FAM114A1: variants seen among roughly 807,000 people sequenced by gnomAD.
FAM114A1 encodes the protein protein NOXP20.
A neutral mutation model predicts 64.3 loss-of-function variants in FAM114A1; 62 were observed. That is an observed-to-expected ratio of 0.96 (90% CI 0.79 to 1.19). FAM114A1 has a LOEUF of 1.19. Among genes scored for constraint, FAM114A1 ranks in the 50% most tolerant of loss-of-function variants. The pLI is 0.00. For missense variants in FAM114A1, 645 were observed against 676.3 expected, an observed-to-expected ratio of 0.95 and a Z score of 0.51; for synonymous variants, 254 against 251.1, an observed-to-expected ratio of 1.01 and a Z score of -0.11.
At chr4:38,899,176 CT>C (rs781595543) in intron 4 of FAM114A1, among the ~76,000 whole-genome samples, 1 of 151,936 alleles carries the variant, frequency 6.6e-6, no homozygotes, top group Non-Finnish European at 1.5e-5. Flanking sequence ...CTGTGAAGTG[CT>C]TTCTGGAACA....
In FAM114A1 at chr4:38,907,683, A is replaced by G. The variant is rs376955248; in HGVS notation, c.658-909A>G. Reference sequence around the variant, plus strand: ...AAGTATATTAATTCTATGAAATTAAATACTTCTATTTAAATGATAATTATG... The same window carrying G: ...AAGTATATTAATTCTATGAAATTAAGTACTTCTATTTAAATGATAATTATG... On this transcript the variant is annotated intron_variant, in intron 6 of 14. Transcript: ENST00000358869. 1.1e-4 allele frequency among the ~76,000 whole-genome samples: 16 copies of G among 152,360 alleles called. No homozygotes were observed. The South Asian group carries it at 3.3e-3, about 32-fold the overall frequency.
chr4:38,878,507 G>A (rs540427889), intron 3 of FAM114A1, 81 bp downstream of exon 3: 3 of 1,313,938 alleles, frequency 2.3e-6, no homozygotes, highest in African/African-American at 3.0e-5. Context: ...CAAGCTCTGT[G>A]GGTGGGAATT....
At chr4:38,890,401 C>CAAAAA (rs3067630) in intron 3 of FAM114A1, among the ~76,000 whole-genome samples, 4 of 127,550 alleles carry the variant, frequency 3.1e-5, no homozygotes, top group African/African-American at 9.7e-5. Flanking sequence ...GACTCCGTCT[C>CAAAAA]AAAAAAAAAA....
At chr4:38,899,954 A>T (rs79539245) in intron 4 of FAM114A1, among the ~76,000 whole-genome samples, 1 of 152,154 alleles carries the variant, frequency 6.6e-6, no homozygotes, top group Admixed American at 6.5e-5. Context: ...TTATAAGCTC[A>T]TACACTCTAT....
intron 4 of FAM114A1, among the ~76,000 whole-genome samples, chr4:38,901,033 A>C (rs1038485229): frequency 2.6e-5 from 4 of 152,198 alleles, no homozygotes; most frequent in Non-Finnish European, 5.9e-5. Flanking sequence ...TAATACATTC[A>C]TTTTTTGAAA....
chr4:38,896,710 T>C (rs1377753636), intron 4 of FAM114A1, among the ~76,000 whole-genome samples: 1 of 152,242 alleles, frequency 6.6e-6, no homozygotes, highest in Non-Finnish European at 1.5e-5. Flanking sequence ...ATTTCTGCTA[T>C]GTACAGGCAT....
chr4:38,945,230 C>T lies in FAM114A1; in HGVS notation c.*1673C>T, dbSNP rs1177740139. On this transcript the variant is annotated 3_prime_UTR_variant, in exon 15 of 15. Transcript: ENST00000358869. ...CCTCACAGATCACACTCGCTGGTGG[C>T]AAATATCATCATCGTTGCTAAAGGA... is the stretch of plus-strand genomic sequence containing the variant. 2.6e-5 allele frequency: 4 copies of T among 152,310 alleles called. No individual in the cohort carries two copies. In the East Asian group the frequency reaches 7.7e-4, roughly 29 times the overall value. The allele number at this position is 152,310 out of a possible 1,614,324, so 9.4% of individuals were successfully genotyped here.
rs1035877027 is a variant in FAM114A1 at position 38,922,717 on chromosome 4, G to A, written c.946-53G>A. The A allele has an allele frequency of 6.8e-5, 107 of 1,575,538 alleles. 1 individual carries two copies. In the South Asian group the frequency reaches 1.1e-3, roughly 16 times the overall value. On this transcript the variant is annotated intron_variant, in intron 8 of 14. Coordinates refer to ENST00000358869, the MANE Select transcript of FAM114A1 (RefSeq NM_138389.4). ...AAACTGGGGACCGCTGTGTGTAAAC[G>A]TTATTAACGAGAAGAAAAGATGACA... is the stretch of plus-strand genomic sequence containing the variant.
At position 38,934,704 on chromosome 4, in the gene FAM114A1, T is replaced by C. The variant is rs996518843; in HGVS notation, c.1464-1014T>C. On this transcript the variant is annotated intron_variant, in intron 12 of 14. Transcript: ENST00000358869. The stretch of plus-strand genomic sequence containing the variant: ...ATGTTGTTTTTGTTAAATATTTGTG[T>C]GTATCTTGCATTGTTTTCTTGGGAT... 6.6e-5 allele frequency among the ~76,000 whole-genome samples: 10 copies of C among 152,340 alleles called. 1 individual carries two copies. In the South Asian group the frequency reaches 2.1e-3, roughly 32 times the overall value.
chr4:38,943,335 C>A, intron 14 of FAM114A1, 121 bp from the exon 15 acceptor site: 2 of 774,676 alleles, frequency 2.6e-6, no homozygotes, highest in Non-Finnish European at 4.3e-6. Flanking sequence ...ACCAATATTG[C>A]AAGATAAATA....
intron 8 of FAM114A1, among the ~76,000 whole-genome samples, chr4:38,918,861 G>A (rs975340082): frequency 3.3e-5 from 5 of 151,938 alleles, no homozygotes; most frequent in South Asian, 2.1e-4. Context: ...ATGTAAAACC[G>A]GGTGAGCTGG....
intron 12 of FAM114A1, among the ~76,000 whole-genome samples, chr4:38,934,563 A>T (rs1560333492): frequency 6.6e-6 from 1 of 152,218 alleles, no homozygotes; most frequent in Non-Finnish European, 1.5e-5. Flanking sequence ...TAGCATTTTA[A>T]TCACTATTCA....
intron 4 of FAM114A1, 88 bp from the exon 5 acceptor site, chr4:38,905,434 A>C: frequency 3.0e-6 from 3 of 986,208 alleles, no homozygotes; most frequent in South Asian, 3.0e-5. Context: ...TACTTCTGCA[A>C]CTTGAAACAG....
chr4:38,910,073 A>G (rs113980502), intron 7 of FAM114A1, among the ~76,000 whole-genome samples: 7 of 152,044 alleles, frequency 4.6e-5, no homozygotes, highest in Admixed American at 2.6e-4. Flanking sequence ...TCTTTACTAA[A>G]AATACAAAAA....
chr4:38,923,882 A>G lies in FAM114A1; in HGVS notation c.1069+989A>G, dbSNP rs147550221. On this transcript the variant is annotated intron_variant, in intron 9 of 14. Transcript: ENST00000358869. ...TTATTCTCTGGGTTGGGCATGGTTAATGATTCCTTTAGGTTGTCCATTTGG... is the reference window on the plus strand; with the variant it reads ...TTATTCTCTGGGTTGGGCATGGTTAGTGATTCCTTTAGGTTGTCCATTTGG... 5.9e-3 allele frequency among the ~76,000 whole-genome samples: 896 copies of G among 152,314 alleles called. 11 individuals carry two copies. Among genetic ancestry groups the G allele is most frequent in the African/African-American group, 0.019 (784 of 41,560 alleles).
chr4:38,872,563 A>T (rs2109519379), intron 2 of FAM114A1, among the ~76,000 whole-genome samples: 1 of 152,338 alleles, frequency 6.6e-6, no homozygotes, highest in East Asian at 1.9e-4. Context: ...CTACCGATTT[A>T]AAAAAATGAG....
In FAM114A1 at chr4:38,932,271, G is replaced by T; in HGVS notation, c.1360G>T (p.Val454Leu). The T allele has an allele frequency of 6.2e-7, 1 of 1,609,796 alleles. No homozygotes were observed. The highest frequency in any genetic ancestry group is 8.5e-7 in the Non-Finnish European group (1 of 1,179,008). ...GTCGTCCATTGAAAGTCTGGCGGAG[G>T]TAACAGCGCGCTGTATTGAGCAGCT... Reference protein sequence around the residue: ...YMSSIESLAEVTARCIEQLHK... With the variant: ...YMSSIESLAELTARCIEQLHK... The change falls in exon 12 of 15, where the codon GTA (valine) becomes TTA (leucine). Residue 454 changes from valine to leucine, a missense_variant. Coordinates refer to ENST00000358869, the MANE Select transcript of FAM114A1 (RefSeq NM_138389.4).
intron 12 of FAM114A1, 78 bp from the exon 13 acceptor site, chr4:38,935,640 G>C: frequency 2.1e-6 from 2 of 966,170 alleles, no homozygotes; most frequent in Non-Finnish European, 3.1e-6. Context: ...TACTGAATTA[G>C]TATCAGAAAT....
intron 12 of FAM114A1, 90 bp downstream of exon 12, chr4:38,932,464 C>T (rs1361138485): frequency 1.6e-6 from 2 of 1,267,110 alleles, no homozygotes; most frequent in Admixed American, 6.3e-5. Context: ...ACCCTCTAAG[C>T]CACTAGAAGA....
Sources: gnomAD v4.1 joint callset for allele counts (sites outside exome capture counted in the v4.1 genomes callset) on GRCh38, gnomAD v4.1.1 for gene constraint, MANE v1.5 for transcripts, NCBI Gene and HGNC (gene_info 2026-07-23, HGNC 2026-07-21) for gene names.